The following GABRA2 variants were observed in gnomAD, a reference collection of about 807,000 sequenced individuals.
GABRA2 encodes gamma-aminobutyric acid receptor subunit alpha-2.
A neutral mutation model predicts 48.7 loss-of-function variants in GABRA2; 16 were observed. That is an observed-to-expected ratio of 0.33 (90% confidence interval 0.22 to 0.50). GABRA2 has a LOEUF of 0.50. Ranked by LOEUF, GABRA2 falls within the 20% of genes least tolerant of loss-of-function variation. GABRA2 has a pLI of 0.98. For missense variants in GABRA2, 275 were observed against 535.6 expected (o/e 0.51, Z 4.80); for synonymous variants, 185 against 184.5 (o/e 1.00, Z -0.02).
At chr4:46,323,027 T>G (rs1428324190) in intron 4 of GABRA2, among the ~76,000 whole-genome samples, 3 of 151,736 alleles carry the variant, frequency 2.0e-5, no homozygotes, top group African/African-American at 7.2e-5. Context: ...ATAATAGTTA[T>G]TTTTAAATAT....
chr4:46,281,201 G>A (rs956790056), intron 8 of GABRA2, among the ~76,000 whole-genome samples: 4 of 152,144 alleles, frequency 2.6e-5, no homozygotes, highest in Non-Finnish European at 4.4e-5. Context: ...TGCAGATTGA[G>A]TTTGTCTATT....
Position 46,247,566 on chromosome 4 carries a change from AT to A in GABRA2, c.*2741del, listed in dbSNP as rs1713950093. Among the ~76,000 whole-genome samples the A allele has an allele frequency of 6.6e-6, 1 of 151,200 alleles. No individual in the cohort carries two copies. The highest frequency in any genetic ancestry group is 1.5e-5 in the Non-Finnish European group (1 of 67,444). ...ATTATATCTCTATATATGTACATGT[AT>A]TTATCTACATTTTGTACATACCATA... On this transcript the variant is annotated 3_prime_UTR_variant, in exon 10 of 10. Coordinates refer to ENST00000381620, the MANE Select transcript of GABRA2 (RefSeq NM_000807.4).
At chr4:46,330,251 T>C (rs986706392) in intron 4 of GABRA2, among the ~76,000 whole-genome samples, 8 of 151,988 alleles carry the variant, frequency 5.3e-5, no homozygotes, top group Admixed American at 2.0e-4. Flanking sequence ...AATTTTAAAG[T>C]TCTTGGGTTC....
intron 3 of GABRA2, among the ~76,000 whole-genome samples, chr4:46,378,033 T>TG (rs1207127092): frequency 1.9e-5 from 2 of 107,272 alleles, no homozygotes; most frequent in East Asian, 6.2e-4. Flanking sequence ...GGGAGGGAGG[T>TG]GGGGGGTTCA....
chr4:46,288,515 A>G (rs1037887503), intron 8 of GABRA2, among the ~76,000 whole-genome samples: 3 of 152,196 alleles, frequency 2.0e-5, no homozygotes, highest in Non-Finnish European at 4.4e-5. Flanking sequence ...AGCCATATGC[A>G]GAAGATTGAA....
chr4:46,326,067 T>G (rs1730319010), intron 4 of GABRA2, among the ~76,000 whole-genome samples: 1 of 151,966 alleles, frequency 6.6e-6, no homozygotes, highest in African/African-American at 2.4e-5. Flanking sequence ...TTACTTTGGC[T>G]CCCTGTGAAT....
At chr4:46,337,289 T>A (rs963928394) in intron 3 of GABRA2, among the ~76,000 whole-genome samples, 1 of 152,112 alleles carries the variant, frequency 6.6e-6, no homozygotes, top group Middle Eastern at 3.2e-3. Context: ...GAGCATCCTC[T>A]AATCCAACAA....
chr4:46,310,542 C>T (rs546280328), intron 5 of GABRA2, among the ~76,000 whole-genome samples: 1 of 152,222 alleles, frequency 6.6e-6, no homozygotes, highest in South Asian at 2.1e-4. Flanking sequence ...GCTCCTTTCT[C>T]ATTAAGCTCA....
In GABRA2 at chr4:46,388,499, T is replaced by C. The variant is rs919653417; in HGVS notation, c.71+137A>G. ...GAAGTTTTTACAGTCTATTACTTCATAGTTCACTTTCCCCATACACCCCCT... is the reference window on the plus strand; with the variant it reads ...GAAGTTTTTACAGTCTATTACTTCACAGTTCACTTTCCCCATACACCCCCT... On this transcript the variant is annotated intron_variant, in intron 2 of 9. Transcript: ENST00000381620. 5.1e-6 allele frequency: 5 copies of C among 983,206 alleles called. No homozygotes were observed. The East Asian group carries it at 1.2e-4, about 24-fold the overall frequency. 60.9% of individuals were successfully genotyped at this position (983,206 alleles called of 1,614,324 possible).
At chr4:46,352,234 A>G (rs1047441244) in intron 3 of GABRA2, among the ~76,000 whole-genome samples, 1 of 151,958 alleles carries the variant, frequency 6.6e-6, no homozygotes, top group African/African-American at 2.4e-5. Context: ...ACTCTCAGGG[A>G]CAGTTACAAC....
At chr4:46,317,542 T>A (rs1728745585) in intron 4 of GABRA2, among the ~76,000 whole-genome samples, 2 of 151,770 alleles carry the variant, frequency 1.3e-5, no homozygotes, top group African/African-American at 4.8e-5. Context: ...GTGAATGCAT[T>A]TGTCATCAGT....
chr4:46,378,388 C>T (rs1052057373), intron 3 of GABRA2, among the ~76,000 whole-genome samples: 4 of 152,034 alleles, frequency 2.6e-5, no homozygotes, highest in South Asian at 2.1e-4. Context: ...GAAACATGTG[C>T]TGTATCCACT....
intron 8 of GABRA2, among the ~76,000 whole-genome samples, chr4:46,291,571 G>A (rs1318074177): frequency 1.3e-5 from 2 of 152,012 alleles, no homozygotes; most frequent in African/African-American, 4.8e-5. Context: ...AAAGCAGGCA[G>A]AAAAACGTGA....
chr4:46,295,921 C>A (rs189295170), intron 8 of GABRA2, among the ~76,000 whole-genome samples: 317 of 152,304 alleles, frequency 2.1e-3, no homozygotes, highest in African/African-American at 7.2e-3. Flanking sequence ...GTATTCCACA[C>A]AGCATTGTCT....
intron 8 of GABRA2, among the ~76,000 whole-genome samples, chr4:46,288,869 G>GA (rs201333778): frequency 7.8e-4 from 109 of 140,246 alleles, no homozygotes; most frequent in African/African-American, 2.7e-3. Flanking sequence ...AATTTACAAG[G>GA]AAAAAAAACA....
At chr4:46,358,684 G>A (rs1422725219) in intron 3 of GABRA2, among the ~76,000 whole-genome samples, 1 of 152,048 alleles carries the variant, frequency 6.6e-6, no homozygotes, top group Non-Finnish European at 1.5e-5. Context: ...CACACTCTTG[G>A]CCTTAGATTG....
At chr4:46,355,767 T>G (rs922093922) in intron 3 of GABRA2, among the ~76,000 whole-genome samples, 2 of 152,200 alleles carry the variant, frequency 1.3e-5, no homozygotes, top group Non-Finnish European at 2.9e-5. Flanking sequence ...GTTTTCCATC[T>G]TGCTTTCATT....
intron 3 of GABRA2, among the ~76,000 whole-genome samples, chr4:46,361,125 A>G (rs1713109086): frequency 6.6e-6 from 1 of 152,192 alleles, no homozygotes; most frequent in Non-Finnish European, 1.5e-5. Context: ...AATTTAAGAT[A>G]CCTCGAGAAA....
chr4:46,389,399 A>G, intron 1 of GABRA2: 5 of 985,400 alleles, frequency 5.1e-6, no homozygotes, highest in Non-Finnish European at 6.0e-6. Flanking sequence ...TCTGGAGCCG[A>G]GGATCACAAT....
Sources: gnomAD v4.1 joint callset for allele counts (sites outside exome capture counted in the v4.1 genomes callset) on GRCh38, gnomAD v4.1.1 for gene constraint, MANE v1.5 for transcripts, NCBI Gene and HGNC (gene_info 2026-07-23, HGNC 2026-07-21) for gene names.